The following ASPH variants were observed in gnomAD, a reference collection of about 807,000 sequenced individuals.
The protein encoded by ASPH is aspartyl/asparaginyl beta-hydroxylase.
In ASPH, 100 loss-of-function variants were observed where a neutral mutation model predicts 118.4. The ratio of observed to expected loss-of-function variants is 0.84; its 90% CI spans 0.72 to 1.00. The LOEUF is 1.00. ASPH is among the 50% of genes least tolerant of loss of function. The pLI is 0.00. For synonymous variants in ASPH, 315 were observed against 325.6 expected (o/e 0.97, Z 0.35); for missense variants, 920 against 919.5 (o/e 1.00, Z -0.01).
chr8:61,660,074 A>C (rs542823544), intron 3 of ASPH: 1 of 152,104 alleles, frequency 6.6e-6, no homozygotes, highest in East Asian at 1.9e-4. Flanking sequence ...ATTGAAATTT[A>C]GAATATGAAT....
intron 1 of ASPH, among the ~76,000 whole-genome samples, chr8:61,711,947 G>A (rs1256649764): frequency 1.3e-5 from 2 of 152,190 alleles, no homozygotes; most frequent in South Asian, 2.1e-4. Flanking sequence ...TAGTACTCAT[G>A]GAGACAGCCA....
In ASPH at chr8:61,714,485, C is replaced by T; in HGVS notation, c.-114G>A. 1 of 1,338,260 alleles carries T rather than the reference C, an allele frequency of 7.5e-7. No homozygotes were observed. The highest frequency in any genetic ancestry group is 9.6e-7 in the Non-Finnish European group (1 of 1,040,566). 82.9% of individuals were successfully genotyped at this position (1,338,260 alleles called of 1,614,324 possible). A position where few individuals can be genotyped will look rare whatever the true frequency, so the allele number is the denominator to read the frequency against. ...GGGCCGCTGGAGCGGGTTCGGGCCG[C>T]TGCTCCTGCAGCAGACCCTGTGCCT... On this transcript the variant is annotated 5_prime_UTR_variant, in exon 1 of 25. Transcript: ENST00000379454.
At chr8:61,599,247 A>G (rs1189454809) in intron 14 of ASPH, among the ~76,000 whole-genome samples, 2 of 152,192 alleles carry the variant, frequency 1.3e-5, no homozygotes, top group Non-Finnish European at 2.9e-5. Context: ...ACATGTTCTC[A>G]TTCATAGATG....
At chr8:61,676,408 G>A in intron 3 of ASPH, 1 of 1,201,510 alleles carries the variant, frequency 8.3e-7, no homozygotes. Flanking sequence ...TCAAAAGCGA[G>A]GTGCATCAAG....
In ASPH at chr8:61,642,932, AAG is replaced by A; in HGVS notation, c.758-14_758-13del. ...GTATGTTACATCATCTGAAAAAAAA[AAG>A]AGAATAAAAGCAAAATAAGTATTAA... On this transcript the variant is annotated splice_polypyrimidine_tract_variant and intron_variant, in intron 9 of 24. Transcript: ENST00000379454. The A allele has an allele frequency of 1.3e-6, 2 of 1,560,446 alleles. No homozygotes were observed. Among genetic ancestry groups the A allele is most frequent in the East Asian group, 4.5e-5 (2 of 44,040 alleles).
intron 2 of ASPH, chr8:61,682,602 G>C (rs994784786): frequency 2.9e-5 from 27 of 921,814 alleles, no homozygotes; most frequent in Non-Finnish European, 4.0e-5. Context: ...TCAAAGCATA[G>C]ATCTACTCAG....
At chr8:61,538,376 T>C (rs180823094) in intron 21 of ASPH, among the ~76,000 whole-genome samples, 429 of 152,354 alleles carry the variant, frequency 2.8e-3, no homozygotes, top group South Asian at 9.7e-3. Context: ...GCTATTATGT[T>C]AATCTTAAGA....
chr8:61,713,597 A>C (rs1838601925), intron 1 of ASPH, among the ~76,000 whole-genome samples: 1 of 152,214 alleles, frequency 6.6e-6, no homozygotes, highest in South Asian at 2.1e-4. Context: ...TCTCTGCTGG[A>C]TATGCACACG....
chr8:61,606,876 T>TA (rs11448214), intron 14 of ASPH: 138,248 of 165,472 alleles, frequency 0.84, 57,884 homozygotes, highest in African/African-American at 0.86. Context: ...ACACCTGTGA[T>TA]TTTTTTTCCA....
chr8:61,614,224 T>A (rs1053128885), intron 14 of ASPH, among the ~76,000 whole-genome samples: 1 of 152,222 alleles, frequency 6.6e-6, no homozygotes, highest in Admixed American at 6.5e-5. Context: ...TAATGAATAA[T>A]TTAATAAGAT....
At chr8:61,505,061 G>A (rs1442925586) in intron 24 of ASPH, among the ~76,000 whole-genome samples, 3 of 152,036 alleles carry the variant, frequency 2.0e-5, no homozygotes, top group Admixed American at 1.3e-4. Flanking sequence ...GGAAGGACCC[G>A]ATGAGAGATA....
chr8:61,707,650 A>G (rs1360576999), intron 1 of ASPH, among the ~76,000 whole-genome samples: 1 of 152,226 alleles, frequency 6.6e-6, no homozygotes, highest in East Asian at 1.9e-4. Context: ...ACATACATGT[A>G]CAGGGCAGCA....
At chr8:61,605,436 C>T (rs1220142717) in intron 14 of ASPH, among the ~76,000 whole-genome samples, 1 of 152,180 alleles carries the variant, frequency 6.6e-6, no homozygotes. Context: ...AGAATTATCT[C>T]CATGTTTTAT....
At chr8:61,663,239 T>A (rs1399937541) in intron 3 of ASPH, 6 of 985,228 alleles carry the variant, frequency 6.1e-6, no homozygotes, top group Non-Finnish European at 7.2e-6. Context: ...TTTGATGAAG[T>A]TTGAGTGGGA....
chr8:61,661,979 T>C (rs1016899587), intron 3 of ASPH: 10 of 423,374 alleles, frequency 2.4e-5, no homozygotes, highest in Non-Finnish European at 3.4e-5. Flanking sequence ...AAAGAGTGGC[T>C]ACCAATGACG....
chr8:61,675,731 C>G (rs1253502153), intron 3 of ASPH: 17 of 1,058,046 alleles, frequency 1.6e-5, no homozygotes, highest in Non-Finnish European at 1.9e-5. Flanking sequence ...AAGGGTTAAC[C>G]ACAACACAAT....
intron 13 of ASPH, chr8:61,625,340 G>A (rs1416180507): frequency 1.5e-5 from 15 of 985,668 alleles, no homozygotes; most frequent in African/African-American, 1.7e-5. Flanking sequence ...AGCTCAAGGC[G>A]TTACTGAGTT....
chr8:61,675,086 T>C lies in ASPH; in HGVS notation c.322+5882A>G, dbSNP rs560069324. Among the ~76,000 whole-genome samples the C allele has an allele frequency of 2.6e-5, 4 of 152,334 alleles. No homozygotes were observed. The East Asian group carries it at 7.7e-4, about 29-fold the overall frequency. On this transcript the variant is annotated intron_variant, in intron 3 of 24. Transcript: ENST00000379454. The stretch of plus-strand genomic sequence containing the variant: ...TTGGTTACTACTGAAGCAAACTCAT[T>C]TTTAAAGCAATTGATTCAAATATGT...
chr8:61,633,607 T>C, intron 13 of ASPH, 76 bp downstream of exon 13: 1 of 1,261,672 alleles, frequency 7.9e-7, no homozygotes. Context: ...GTAGATTCAT[T>C]ATAAAGCTAT....
Sources: gnomAD v4.1 joint callset for allele counts (sites outside exome capture counted in the v4.1 genomes callset) on GRCh38, gnomAD v4.1.1 for gene constraint, MANE v1.5 for transcripts, NCBI Gene and HGNC (gene_info 2026-07-23, HGNC 2026-07-21) for gene names.